TRAPPC8: variants seen among roughly 807,000 people sequenced by gnomAD.
TRAPPC8 encodes the protein general sporulation gene 1 homolog.
Under a neutral mutation model 174.3 loss-of-function variants are expected in TRAPPC8, and 54 were observed. The observed-to-expected ratio is 0.31, with a 90% CI of 0.25 to 0.39. The LOEUF (loss-of-function observed/expected upper bound fraction) is 0.39. Among genes scored for constraint, TRAPPC8 ranks in the 10% least tolerant of loss-of-function variants. The probability of loss-of-function intolerance (pLI) is 1.00; values close to 1 mark genes in which losing one functional copy is unlikely to be tolerated. For missense variants in TRAPPC8, 1,531 were observed against 1,699.1 expected (o/e 0.90, Z 1.74); for synonymous variants, 630 against 579.9 (o/e 1.09, Z -1.24).
At chr18:31,879,136 G>A (rs1021871518) in intron 12 of TRAPPC8, among the ~76,000 whole-genome samples, 3 of 152,072 alleles carry the variant, frequency 2.0e-5, no homozygotes, top group Admixed American at 6.6e-5. Flanking sequence ...CCTAATAGAC[G>A]TCTACAGAAG....
chr18:31,893,109 T>C (rs1321000549), intron 11 of TRAPPC8, among the ~76,000 whole-genome samples: 4 of 152,200 alleles, frequency 2.6e-5, no homozygotes, highest in Non-Finnish European at 5.9e-5. Flanking sequence ...TTAGGGGATT[T>C]TGTAATTTTC....
intron 26 of TRAPPC8, chr18:31,845,271 G>A (rs960813756): frequency 4.6e-5 from 7 of 151,938 alleles, no homozygotes; most frequent in African/African-American, 1.7e-4. Context: ...TAAAGGCTAA[G>A]TAACTGTTTC....
At chr18:31,924,432 C>T (rs184384548) in intron 2 of TRAPPC8, among the ~76,000 whole-genome samples, 21 of 144,162 alleles carry the variant, frequency 1.5e-4, no homozygotes, top group African/African-American at 4.9e-4. Context: ...CCAGCCTGGG[C>T]GAAAGAGCAA....
intron 21 of TRAPPC8, among the ~76,000 whole-genome samples, chr18:31,854,453 TCTCA>T (rs1228237809): frequency 1.3e-5 from 2 of 152,052 alleles, no homozygotes; most frequent in Non-Finnish European, 2.9e-5. Context: ...ATTAAAATAT[TCTCA>T]CTCTTACTAT....
In TRAPPC8 at chr18:31,942,828, T is replaced by TGCAGCAGCTACC; in HGVS notation, c.-76_-65dup. On this transcript the variant is annotated 5_prime_UTR_variant, in exon 1 of 29. Transcript: ENST00000283351. ...CCACCCTGCGAGGTTATCCTGCGGC[T>TGCAGCAGCTACC]GCAGCAGCTACCGCCGCCGCCCGCC... The TGCAGCAGCTACC allele has an allele frequency of 6.3e-6, 8 of 1,272,614 alleles. No homozygotes were observed. In the South Asian group the frequency reaches 2.0e-4, roughly 31 times the overall value. The allele number at this position is 1,272,614 out of a possible 1,614,324, so 78.8% of individuals were successfully genotyped here.
intron 10 of TRAPPC8, among the ~76,000 whole-genome samples, chr18:31,899,507 A>C (rs968405910): frequency 2.6e-5 from 4 of 152,226 alleles, no homozygotes; most frequent in Admixed American, 1.3e-4. Flanking sequence ...TTGCCTCTAT[A>C]TCTGCCTTCC....
At chr18:31,929,674 C>T (rs78318184) in intron 2 of TRAPPC8, among the ~76,000 whole-genome samples, 1 of 152,078 alleles carries the variant, frequency 6.6e-6, no homozygotes, top group African/African-American at 2.4e-5. Context: ...ACAAAAAATA[C>T]TATAAATAAA....
In TRAPPC8 at chr18:31,858,932, T is replaced by C. The variant is rs369699915; in HGVS notation, c.2746-950A>G. On this transcript the variant is annotated intron_variant, in intron 19 of 28. Coordinates refer to ENST00000283351, the MANE Select transcript of TRAPPC8 (RefSeq NM_014939.5). ...CCAGCCTGGGCAACATGGTGAGACC[T>C]GTTTCTATCAAAACTACAAAAAATG... is the stretch of plus-strand genomic sequence containing the variant. Among the ~76,000 whole-genome samples the C allele has an allele frequency of 4.6e-5, 7 of 152,084 alleles. No individual in the cohort carries two copies. The East Asian group carries it at 1.2e-3, about 25-fold the overall frequency.
chr18:31,939,931 G>A (rs1021156657), intron 1 of TRAPPC8, among the ~76,000 whole-genome samples: 1 of 152,124 alleles, frequency 6.6e-6, no homozygotes, highest in African/African-American at 2.4e-5. Context: ...TCTCCTGAAG[G>A]AAATCAGAAG....
In TRAPPC8 at chr18:31,908,896, G is replaced by A; in HGVS notation, c.980C>T (p.Thr327Ile). 6.2e-7 allele frequency: 1 copy of A among 1,613,454 alleles called. No individual in the cohort carries two copies. Among genetic ancestry groups the A allele is most frequent in the Non-Finnish European group, 8.5e-7 (1 of 1,179,662 alleles). ...HLRSASSLHE[T>I]KKGNTGIIHG... Reference sequence around the variant, plus strand: ...AATTATTCCAGTATTTCCTTTCTTTGTTTCATGTAACGATGAAGCAGATCT... The same window carrying A: ...AATTATTCCAGTATTTCCTTTCTTTATTTCATGTAACGATGAAGCAGATCT... Residue 327 changes from threonine to isoleucine, a missense_variant, in exon 7 of 29, where the codon ACA becomes ATA. Thr to Ile is a moderately conservative substitution (Grantham distance 89, BLOSUM62 -1). Coordinates refer to ENST00000283351, the MANE Select transcript of TRAPPC8 (RefSeq NM_014939.5).
chr18:31,883,816 G>T (rs1598666019), intron 12 of TRAPPC8: 1 of 152,192 alleles, frequency 6.6e-6, no homozygotes, highest in African/African-American at 2.4e-5. Context: ...AAACCAAGAG[G>T]AAGTCCTGAA....
intron 20 of TRAPPC8, among the ~76,000 whole-genome samples, chr18:31,857,156 A>G (rs1224953284): frequency 2.0e-5 from 3 of 152,162 alleles, no homozygotes; most frequent in Non-Finnish European, 2.9e-5. Flanking sequence ...AAAAGGTAAA[A>G]CAAAACAATT....
chr18:31,906,846 A>G (rs370241444), intron 9 of TRAPPC8, among the ~76,000 whole-genome samples: 5 of 152,200 alleles, frequency 3.3e-5, no homozygotes, highest in African/African-American at 4.8e-5. Flanking sequence ...TAGGATTCGC[A>G]TATTTTACAG....
chr18:31,864,538 T>A (rs916648044), intron 19 of TRAPPC8, 89 bp downstream of exon 19: 2 of 1,291,016 alleles, frequency 1.5e-6, no homozygotes, highest in Admixed American at 2.4e-5. Flanking sequence ...CAATGTAATA[T>A]CAAAAACCTC....
intron 13 of TRAPPC8, 73 bp downstream of exon 13, chr18:31,874,407 A>G: frequency 7.2e-7 from 1 of 1,390,378 alleles, no homozygotes; most frequent in Non-Finnish European, 1.0e-6. Flanking sequence ...ATCGTAAGAT[A>G]TGGTAATAAA....
chr18:31,850,373 A>G (rs2033647570), intron 24 of TRAPPC8, among the ~76,000 whole-genome samples: 1 of 152,226 alleles, frequency 6.6e-6, no homozygotes, highest in South Asian at 2.1e-4. Flanking sequence ...AAATAAAAAT[A>G]AAATGTTGAA....
In TRAPPC8 at chr18:31,912,366, C is replaced by G. The variant is rs147830168; in HGVS notation, c.771+1003G>C. On this transcript the variant is annotated intron_variant, in intron 5 of 28. Coordinates refer to ENST00000283351, the MANE Select transcript of TRAPPC8 (RefSeq NM_014939.5). ...ATTAGCTGGGCGTGGTGGTGTGCGC[C>G]TGTAGTCCCACCTACTTGGGAGGCT... is the stretch of plus-strand genomic sequence containing the variant. 8.9e-3 allele frequency among the ~76,000 whole-genome samples: 1,351 copies of G among 152,232 alleles called. 20 individuals carry two copies. The highest frequency in any genetic ancestry group is 0.03 in the African/African-American group (1,243 of 41,528).
In TRAPPC8 at chr18:31,867,254, CTCCTGAGCAATTCCTATG is replaced by C. The variant is rs532204903; in HGVS notation, c.2463+130_2463+147del. 1,062 of 704,472 alleles carry C rather than the reference CTCCTGAGCAATTCCTATG, an allele frequency of 1.5e-3. 6 individuals carry two copies. The African/African-American group carries it at 0.017, about 11-fold the overall frequency. 43.6% of individuals were successfully genotyped at this position (704,472 alleles called of 1,614,324 possible). ...AAGACCACTGCAAACCACCAATTTC[CTCCTGAGCAATTCCTATG>C]TCCTAATCTTCCAAATTTTAGTTCT... On this transcript the variant is annotated intron_variant, in intron 17 of 28. Transcript: ENST00000283351.
intron 9 of TRAPPC8, among the ~76,000 whole-genome samples, chr18:31,902,526 T>C (rs1568114889): frequency 6.6e-6 from 1 of 152,202 alleles, no homozygotes. Flanking sequence ...TTTTCCAAAC[T>C]AGCTTGAAAG....
Sources: allele counts gnomAD v4.1 joint callset (sites outside exome capture counted in the v4.1 genomes callset), GRCh38; gene constraint gnomAD v4.1.1; transcripts MANE v1.5; gene names NCBI Gene and HGNC (gene_info 2026-07-23, HGNC 2026-07-21).